The following XPO4 variants were observed in gnomAD, a reference collection of about 807,000 sequenced individuals.
XPO4 encodes exportin 4.
XPO4 carries 39 observed loss-of-function variants against 143.0 expected under a neutral mutation model. The observed-to-expected ratio is 0.27, with a 90% CI of 0.21 to 0.36. The LOEUF is 0.36. Ranked by LOEUF, XPO4 falls within the 10% of genes least tolerant of loss-of-function variation. The pLI is 1.00. For missense variants in XPO4, 907 were observed against 1,348.0 expected (o/e 0.67, Z 5.12); for synonymous variants, 439 against 474.0 (o/e 0.93, Z 0.96).
intron 6 of XPO4, among the ~76,000 whole-genome samples, chr13:20,827,900 A>C (rs1316879117): frequency 1.3e-5 from 2 of 152,196 alleles, no homozygotes; most frequent in Admixed American, 6.5e-5. Flanking sequence ...GTTTTTATGA[A>C]TACGATTCAT....
chr13:20,830,027 T>C (rs1177133591), intron 6 of XPO4, among the ~76,000 whole-genome samples: 2 of 152,172 alleles, frequency 1.3e-5, no homozygotes, highest in African/African-American at 2.4e-5. Flanking sequence ...TTCCCAGATA[T>C]AAAATGGAAT....
rs59921874 is a variant in XPO4 at position 20,858,922 on chromosome 13, G to GTATA, written c.318-3161_318-3158dup. ...AAAATATATATATATATGTGTGTGT[G>GTATA]TATATATATATATATATATATATAT... On this transcript the variant is annotated intron_variant, in intron 3 of 22. Coordinates refer to ENST00000255305, the MANE Select transcript of XPO4 (RefSeq NM_022459.5). 1.9e-3 allele frequency among the ~76,000 whole-genome samples: 283 copies of GTATA among 148,778 alleles called. 2 individuals are homozygous for GTATA. The highest frequency in any genetic ancestry group is 7.1e-3 in the Middle Eastern group (2 of 280).
chr13:20,817,833 T>TTA (rs2059668818), intron 9 of XPO4, among the ~76,000 whole-genome samples: 1 of 152,218 alleles, frequency 6.6e-6, no homozygotes, highest in Non-Finnish European at 1.5e-5. Flanking sequence ...CCTTGCTGTA[T>TTA]TACCCAGGCT....
intron 6 of XPO4, among the ~76,000 whole-genome samples, chr13:20,830,238 G>A (rs775542709): frequency 7.2e-5 from 11 of 152,104 alleles, no homozygotes; most frequent in Non-Finnish European, 1.5e-4. Context: ...CCACGAGCAT[G>A]GGAGATTTAT....
At chr13:20,844,704 T>C (rs999253804) in intron 4 of XPO4, among the ~76,000 whole-genome samples, 2 of 152,228 alleles carry the variant, frequency 1.3e-5, no homozygotes. Flanking sequence ...CTGATGTCAG[T>C]ACCTTGACCT....
At chr13:20,841,769 G>A (rs980396040) in intron 6 of XPO4, among the ~76,000 whole-genome samples, 2 of 151,648 alleles carry the variant, frequency 1.3e-5, no homozygotes, top group African/African-American at 2.4e-5. Context: ...AATAATTAGC[G>A]AGTTTCTGTA....
chr13:20,836,708 G>A (rs1279765613), intron 6 of XPO4, among the ~76,000 whole-genome samples: 1 of 152,204 alleles, frequency 6.6e-6, no homozygotes, highest in African/African-American at 2.4e-5. Context: ...TACCCACTGA[G>A]TGTACAGCTC....
intron 13 of XPO4, among the ~76,000 whole-genome samples, chr13:20,806,538 C>CTT (rs1322850823): frequency 2.6e-5 from 3 of 115,798 alleles, no homozygotes; most frequent in African/African-American, 1.0e-4. Context: ...CTTTCAGGAC[C>CTT]CTTTTTTTTT....
intron 6 of XPO4, among the ~76,000 whole-genome samples, chr13:20,832,779 G>A (rs924847034): frequency 2.0e-5 from 3 of 152,116 alleles, no homozygotes; most frequent in African/African-American, 4.8e-5. Context: ...ATACATGAGT[G>A]ACCTTACCTG....
At chr13:20,840,691 G>C (rs566226806) in intron 6 of XPO4, among the ~76,000 whole-genome samples, 1 of 152,154 alleles carries the variant, frequency 6.6e-6, no homozygotes, top group Non-Finnish European at 1.5e-5. Context: ...CCTTGAAATT[G>C]ATTTCCCTAA....
chr13:20,820,225 T>A (rs1310748238), intron 9 of XPO4, among the ~76,000 whole-genome samples: 3 of 152,258 alleles, frequency 2.0e-5, no homozygotes, highest in Non-Finnish European at 4.4e-5. Context: ...TGCAAATGCA[T>A]GCAGGCTTTC....
intron 2 of XPO4, among the ~76,000 whole-genome samples, chr13:20,864,145 A>G (rs2060224999): frequency 6.6e-6 from 1 of 151,928 alleles, no homozygotes; most frequent in African/African-American, 2.4e-5. Context: ...AGAAACTTTA[A>G]AATATAATAA....
In XPO4 at chr13:20,861,777, C is replaced by CTTTTTTTTT. The variant is rs71200306; in HGVS notation, c.317+931_317+939dup. On this transcript the variant is annotated intron_variant, in intron 3 of 22. Coordinates refer to ENST00000255305, the MANE Select transcript of XPO4 (RefSeq NM_022459.5). ...TTAATAGAACCTTGCACATTTCTCT[C>CTTTTTTTTT]TTTTTTTTTTTTTTTTTTTTTTTTT... Among the ~76,000 whole-genome samples the CTTTTTTTTT allele has an allele frequency of 4.5e-4, 33 of 73,438 alleles. 2 individuals are homozygous for CTTTTTTTTT. Among genetic ancestry groups the CTTTTTTTTT allele is most frequent in the Middle Eastern group, 0.011 (1 of 88 alleles). The allele number at this position is 73,438 out of a possible 152,430, so 48.2% of individuals were successfully genotyped here.
chr13:20,827,611 GA>G (rs1453829199), intron 6 of XPO4, among the ~76,000 whole-genome samples: 6 of 151,834 alleles, frequency 4.0e-5, no homozygotes, highest in Admixed American at 3.9e-4. Context: ...AGTCTACTTG[GA>G]AAAATAGCAT....
chr13:20,795,007 TAAA>T (rs5802088), intron 18 of XPO4, among the ~76,000 whole-genome samples: 1 of 134,538 alleles, frequency 7.4e-6, no homozygotes, highest in Non-Finnish European at 1.6e-5. Context: ...CCCAAGAATT[TAAA>T]AAAAAAAAAA....
rs1298232267 is a variant in XPO4, at chr13:20,882,854, T to G, written c.70-14153A>C. Among the ~76,000 whole-genome samples the G allele has an allele frequency of 2.7e-5, 4 of 148,350 alleles. No individual in the cohort carries two copies. In the East Asian group the frequency reaches 7.9e-4, roughly 29 times the overall value. On this transcript the variant is annotated intron_variant, in intron 1 of 22. Coordinates refer to ENST00000255305, the MANE Select transcript of XPO4 (RefSeq NM_022459.5). ...GTGAGCCGAGATGGAGCCACTGCAC[T>G]CCAGCCTGGGCAAAAGAGCAAAACT...
intron 4 of XPO4, chr13:20,851,775 A>T: frequency 1.0e-6 from 1 of 985,042 alleles, no homozygotes; most frequent in South Asian, 4.7e-5. Context: ...TTTAAAAAAA[A>T]CTTTGGAGTC....
At chr13:20,823,663 T>TC (rs1370455579) in intron 7 of XPO4, among the ~76,000 whole-genome samples, 22 of 152,082 alleles carry the variant, frequency 1.4e-4, no homozygotes, top group East Asian at 1.9e-4. Context: ...TCTTTTTTTT[T>TC]CCCCCGAAAC....
intron 1 of XPO4, among the ~76,000 whole-genome samples, chr13:20,887,893 G>A (rs1478071750): frequency 2.0e-5 from 3 of 150,434 alleles, no homozygotes; most frequent in African/African-American, 4.9e-5. Flanking sequence ...AAAAGAGGTC[G>A]GGCTCAGTGG....
Sources: allele counts gnomAD v4.1 joint callset (sites outside exome capture counted in the v4.1 genomes callset), GRCh38; gene constraint gnomAD v4.1.1; transcripts MANE v1.5; gene names NCBI Gene and HGNC (gene_info 2026-07-23, HGNC 2026-07-21).